Variants in PDE4B observed in about 807,000 individuals in gnomAD.
The protein encoded by PDE4B is phosphodiesterase 4B.
A neutral mutation model predicts 82.2 loss-of-function variants in PDE4B; 20 were observed. The observed-to-expected ratio is 0.24, with a 90% confidence interval of 0.17 to 0.35. The LOEUF (loss-of-function observed/expected upper bound fraction) is 0.35. Among genes scored for constraint, PDE4B ranks in the 10% least tolerant of loss-of-function variants. The pLI, the probability that PDE4B is intolerant of heterozygous loss-of-function variation, is 1.00. For synonymous variants in PDE4B, 320 were observed against 318.9 expected (o/e 1.00, Z -0.04); for missense variants, 655 against 907.2 (o/e 0.72, Z 3.57).
chr1:66,140,801 C>T (rs948062790), intron 3 of PDE4B, among the ~76,000 whole-genome samples: 3 of 152,118 alleles, frequency 2.0e-5, no homozygotes, highest in Admixed American at 6.5e-5. Context: ...GAGGAGTAGG[C>T]GTTTCACAGA....
intron 3 of PDE4B, among the ~76,000 whole-genome samples, chr1:66,097,787 AT>A (rs1299672279): frequency 1.4e-5 from 2 of 147,358 alleles, no homozygotes; most frequent in African/African-American, 5.0e-5. Context: ...TTATTTCTCT[AT>A]TGTTTATTGT....
At chr1:66,172,375 A>G (rs1023610069) in intron 3 of PDE4B, among the ~76,000 whole-genome samples, 6 of 152,142 alleles carry the variant, frequency 3.9e-5, no homozygotes, top group Non-Finnish European at 7.3e-5. Context: ...TGGTGATTCT[A>G]TGTCTTTGCT....
chr1:66,202,633 G>T (rs969624954), intron 3 of PDE4B, among the ~76,000 whole-genome samples: 2 of 151,828 alleles, frequency 1.3e-5, no homozygotes, highest in African/African-American at 4.8e-5. Context: ...ATCTTTGTTG[G>T]TTTAAAGTCT....
chr1:66,071,328 A>G (rs1336230094), intron 3 of PDE4B, among the ~76,000 whole-genome samples: 1 of 152,146 alleles, frequency 6.6e-6, no homozygotes, highest in Non-Finnish European at 1.5e-5. Context: ...GGATAATTAT[A>G]TAAAGATTAG....
At chr1:66,352,527 T>C (rs1427857780) in intron 8 of PDE4B, among the ~76,000 whole-genome samples, 2 of 152,196 alleles carry the variant, frequency 1.3e-5, no homozygotes, top group Admixed American at 6.5e-5. Flanking sequence ...TTTCCTCTTA[T>C]AGCCTTTTAT....
chr1:66,047,719 G>A (rs964191947), intron 3 of PDE4B, among the ~76,000 whole-genome samples: 4 of 151,952 alleles, frequency 2.6e-5, no homozygotes, highest in African/African-American at 9.7e-5. Flanking sequence ...CTGTTACCGT[G>A]AGCTTTCACT....
chr1:66,175,504 C>T (rs1361456510), intron 3 of PDE4B, among the ~76,000 whole-genome samples: 1 of 152,196 alleles, frequency 6.6e-6, no homozygotes, highest in Non-Finnish European at 1.5e-5. Flanking sequence ...AATATATTAT[C>T]TCTGACTGTT....
intron 7 of PDE4B, among the ~76,000 whole-genome samples, chr1:66,268,344 T>C (rs902402697): frequency 3.3e-5 from 5 of 152,310 alleles, no homozygotes; most frequent in East Asian, 1.9e-4. Flanking sequence ...AAATATTAAA[T>C]GGATACATCA....
intron 3 of PDE4B, among the ~76,000 whole-genome samples, chr1:65,988,108 T>A (rs956157888): frequency 2.6e-5 from 4 of 152,216 alleles, no homozygotes; most frequent in Non-Finnish European, 5.9e-5. Context: ...AGTATTTGTC[T>A]GATATATTTA....
intron 3 of PDE4B, among the ~76,000 whole-genome samples, chr1:65,967,192 A>T (rs1171804974): frequency 6.6e-6 from 1 of 151,974 alleles, no homozygotes; most frequent in Admixed American, 6.6e-5. Context: ...AATTTACAAG[A>T]AAAAAAACAA....
intron 3 of PDE4B, chr1:65,993,004 C>T: frequency 3.7e-6 from 6 of 1,613,906 alleles, no homozygotes; most frequent in Non-Finnish European, 5.1e-6. Context: ...CTTGAGCTTC[C>T]GAGATTACCA....
chr1:65,822,283 C>T (rs887802491), intron 1 of PDE4B, among the ~76,000 whole-genome samples: 3 of 152,154 alleles, frequency 2.0e-5, no homozygotes, highest in Non-Finnish European at 4.4e-5. Flanking sequence ...AATCTTCTCT[C>T]CCGTGAATGG....
intron 7 of PDE4B, among the ~76,000 whole-genome samples, chr1:66,298,189 A>G (rs1442420039): frequency 6.6e-6 from 1 of 152,188 alleles, no homozygotes; most frequent in Non-Finnish European, 1.5e-5. Context: ...CAAGTTGAAG[A>G]TTACTCCAAA....
At chr1:66,186,103 C>CA (rs1223100298) in intron 3 of PDE4B, among the ~76,000 whole-genome samples, 1 of 152,162 alleles carries the variant, frequency 6.6e-6, no homozygotes, top group African/African-American at 2.4e-5. Context: ...ATCCTTTCCC[C>CA]ATTTCTTGTT....
In PDE4B at chr1:65,967,271, C is replaced by T. The variant is rs140656058; in HGVS notation, c.281+48436C>T. On this transcript the variant is annotated intron_variant, in intron 3 of 16. Transcript: ENST00000341517. Reference sequence around the variant, plus strand: ...AAAGAAGACATTTATACAGCCAACACGCATATGAAAAAGAGCTCATCATCA... The same window carrying T: ...AAAGAAGACATTTATACAGCCAACATGCATATGAAAAAGAGCTCATCATCA... Among the ~76,000 whole-genome samples, 832 of 152,196 alleles carry T rather than the reference C, an allele frequency of 5.5e-3. 3 individuals are homozygous for T. The highest frequency in any genetic ancestry group is 0.018 in the African/African-American group (768 of 41,544).
intron 3 of PDE4B, among the ~76,000 whole-genome samples, chr1:66,240,127 T>C (rs1184142211): frequency 6.6e-6 from 1 of 152,124 alleles, no homozygotes; most frequent in Non-Finnish European, 1.5e-5. Flanking sequence ...CTTTTAGGGG[T>C]TGATTAGGGT....
intron 9 of PDE4B, 139 bp from the exon 10 acceptor site, chr1:66,361,476 G>C: frequency 1.6e-6 from 1 of 611,048 alleles, no homozygotes; most frequent in East Asian, 2.7e-5. Flanking sequence ...AACTGCCCTA[G>C]AGATACAGTG....
At chr1:66,281,513 A>C (rs1656300004) in intron 7 of PDE4B, among the ~76,000 whole-genome samples, 1 of 152,170 alleles carries the variant, frequency 6.6e-6, no homozygotes, top group Non-Finnish European at 1.5e-5. Flanking sequence ...CATATGTAGG[A>C]AGTTTAACAT....
intron 3 of PDE4B, among the ~76,000 whole-genome samples, chr1:66,024,670 G>A (rs1333267229): frequency 6.6e-6 from 1 of 152,060 alleles, no homozygotes; most frequent in African/African-American, 2.4e-5. Flanking sequence ...TGTCTTCTAT[G>A]AGAAGGCAGA....
Sources: gnomAD v4.1 joint callset for allele counts (sites outside exome capture counted in the v4.1 genomes callset) on GRCh38, gnomAD v4.1.1 for gene constraint, MANE v1.5 for transcripts, NCBI Gene and HGNC (gene_info 2026-07-23, HGNC 2026-07-21) for gene names.